TMX1: variants seen among roughly 807,000 people sequenced by gnomAD.
The protein encoded by TMX1 is thioredoxin related transmembrane protein 1.
In TMX1, 25 loss-of-function variants were observed where a neutral mutation model predicts 36.6. That is an observed-to-expected ratio of 0.68 (90% confidence interval 0.50 to 0.95). TMX1 has a LOEUF of 0.95. TMX1 is among the 40% of genes least tolerant of loss of function. The pLI, the probability that TMX1 is intolerant of heterozygous loss-of-function variation, is 0.00. For synonymous variants in TMX1, 133 were observed against 118.0 expected (o/e 1.13, Z -0.82); for missense variants, 347 against 339.6 (o/e 1.02, Z -0.17).
At chr14:51,252,680 CAT>C (rs2065819944) in intron 7 of TMX1, among the ~76,000 whole-genome samples, 1 of 152,162 alleles carries the variant, frequency 6.6e-6, no homozygotes, top group Non-Finnish European at 1.5e-5. Context: ...TAATGGAACA[CAT>C]GATTTGAATT....
At position 51,254,344 on chromosome 14, in the gene TMX1, AATT is replaced by A. The variant is rs2065828570; in HGVS notation, c.674_676del (p.Leu225del). ...ATTTTTGGTCTTTGTCTTTAAGAAA[AATT>A]ATTATCAGAATCTGCACAACCTTTG... On this transcript the variant is annotated inframe_deletion, in exon 8 of 8. Coordinates refer to ENST00000457354, the MANE Select transcript of TMX1 (RefSeq NM_030755.5). 4 of 1,580,932 alleles carry A rather than the reference AATT, an allele frequency of 2.5e-6. No individual in the cohort carries two copies. The highest frequency in any genetic ancestry group is 2.6e-6 in the Non-Finnish European group (3 of 1,170,098).
At chr14:51,240,720 TC>T (rs1035399808) in intron 1 of TMX1, among the ~76,000 whole-genome samples, 133 of 152,340 alleles carry the variant, frequency 8.7e-4, no homozygotes, top group African/African-American at 3.0e-3. Flanking sequence ...CAATGCGAAT[TC>T]TGACATTTTT....
chr14:51,247,302 C>A, intron 4 of TMX1, 82 bp downstream of exon 4: 3 of 1,394,068 alleles, frequency 2.2e-6, no homozygotes, highest in Non-Finnish European at 1.9e-6. Context: ...CATTCATACT[C>A]AGTTTGTTTC....
Position 51,240,323 on chromosome 14 carries a change from C to G in TMX1, c.31C>G (p.Leu11Val), listed in dbSNP as rs761968295. The G allele has an allele frequency of 1.9e-6, 3 of 1,613,256 alleles. No homozygotes were observed. Among genetic ancestry groups the G allele is most frequent in the African/African-American group, 2.7e-5 (2 of 74,950 alleles). The change falls in exon 1 of 8, where the codon CTG becomes GTG. Residue 11 changes from leucine (L) to valine (V), a missense_variant. Leu to Val is a conservative substitution (Grantham distance 32). Transcript: ENST00000457354. Reference protein sequence around the residue: MAPSGSLAVPLAVLVLLLWGA... With the variant: MAPSGSLAVPVAVLVLLLWGA... ...GCCCTCCGGGAGTCTTGCAGTTCCC[C>G]TGGCAGTCCTGGTGCTGTTGCTTTG...
At position 51,249,521 on chromosome 14, in the gene TMX1, T is replaced by C. The variant is rs747280586; in HGVS notation, c.543T>C (p.Tyr181=). 39 of 1,613,972 alleles carry C rather than the reference T, an allele frequency of 2.4e-5. No individual in the cohort carries two copies. The highest frequency in any genetic ancestry group is 3.1e-5 in the Non-Finnish European group (37 of 1,179,920). ...TTGGATTGCCAGTGTGGGGATCATA[T>C]ACTGTTTTTGCTTTAGCAACTCTGT... The part of the protein sequence containing the change: ...EDLGLPVWGS[Y]TVFALATLFS... Residue 181 remains tyrosine (Y), a synonymous_variant, in exon 6 of 8, where the codon TAT becomes TAC. Coordinates refer to ENST00000457354, the MANE Select transcript of TMX1 (RefSeq NM_030755.5).
In TMX1 at chr14:51,254,416, CAGA is replaced by C. The variant is rs766377296; in HGVS notation, c.749_751del (p.Glu250del). The C allele has an allele frequency of 1.2e-3, 1,860 of 1,612,396 alleles. 1 individual carries two copies. Among genetic ancestry groups the C allele is most frequent in the Non-Finnish European group, 1.5e-3 (1,740 of 1,179,212 alleles). ...CAAGAGGCGGATGAAGAAGATGTTT[CAGA>C]AGAAGAAGCTGAAAGTAAAGAAGGA... On this transcript the variant is annotated inframe_deletion, in exon 8 of 8. Transcript: ENST00000457354.
chr14:51,253,285 C>G (rs1038337094), intron 7 of TMX1, among the ~76,000 whole-genome samples: 1 of 152,198 alleles, frequency 6.6e-6, no homozygotes, highest in African/African-American at 2.4e-5. Flanking sequence ...TATCTCTAGA[C>G]ATTGTTAAGT....
intron 3 of TMX1, chr14:51,245,629 C>A: frequency 3.3e-6 from 2 of 610,074 alleles, no homozygotes; most frequent in Non-Finnish European, 5.3e-6. Flanking sequence ...CGTGTTAAGT[C>A]ATTATGCATC....
chr14:51,250,801 T>C (rs2065808419), intron 7 of TMX1, among the ~76,000 whole-genome samples: 3 of 152,166 alleles, frequency 2.0e-5, no homozygotes. Context: ...ATGATGTCTT[T>C]CTTAACTTAG....
In TMX1 at chr14:51,244,499, G is replaced by A. The variant is rs1252459623; in HGVS notation, c.268+528G>A. ...TAGTACCTATGATTTGAGGATGTGG[G>A]CTTCTAAATATAAAGCCCTCGTGGT... On this transcript the variant is annotated intron_variant, in intron 2 of 7. Transcript: ENST00000457354. Among the ~76,000 whole-genome samples, 3 of 152,130 alleles carry A rather than the reference G, an allele frequency of 2.0e-5. No individual in the cohort carries two copies. The East Asian group carries it at 5.8e-4, about 29-fold the overall frequency.
At position 51,257,607 on chromosome 14, in the gene TMX1, A is replaced by G. The variant is rs1422479092; in HGVS notation, c.*3088A>G. On this transcript the variant is annotated 3_prime_UTR_variant, in exon 8 of 8. Transcript: ENST00000457354. ...CAACTTTTGTATTTGTGAAACCATT[A>G]AAACTAGAGTAACAATAAATTTAAG... 6.6e-6 allele frequency: 1 copy of G among 152,222 alleles called. No individual in the cohort carries two copies. Among genetic ancestry groups the G allele is most frequent in the African/African-American group, 2.4e-5 (1 of 41,454 alleles). 9.4% of individuals were successfully genotyped at this position (152,222 alleles called of 1,614,324 possible). A position where few individuals can be genotyped will look rare whatever the true frequency, so the allele number is the denominator to read the frequency against.
intron 3 of TMX1, 83 bp downstream of exon 3, chr14:51,245,441 C>G (rs771423144): frequency 1.9e-6 from 3 of 1,581,770 alleles, no homozygotes; most frequent in Non-Finnish European, 2.6e-6. Flanking sequence ...TTGGATCATG[C>G]TGGAAGAGCT....
chr14:51,247,338 T>C, intron 4 of TMX1, 118 bp downstream of exon 4: 1 of 999,150 alleles, frequency 1.0e-6, no homozygotes, highest in East Asian at 3.2e-5. Flanking sequence ...ATATCCACAT[T>C]TATTACATGT....
In TMX1 at chr14:51,254,441, A is replaced by G; in HGVS notation, c.765A>G (p.Glu255=). The G allele has an allele frequency of 6.2e-7, 1 of 1,612,608 alleles. No individual in the cohort carries two copies. Among genetic ancestry groups the G allele is most frequent in the Non-Finnish European group, 8.5e-7 (1 of 1,179,368 alleles). ...CAGAAGAAGAAGCTGAAAGTAAAGA[A>G]GGAACAAACAAAGACTTTCCACAGA... ...DVSEEEAESK[E]GTNKDFPQNA... is the part of the protein sequence containing the mutation. Residue 255 remains glutamate, a synonymous_variant, in exon 8 of 8, where the codon GAA becomes GAG. Coordinates refer to ENST00000457354, the MANE Select transcript of TMX1 (RefSeq NM_030755.5).
At chr14:51,253,764 A>C (rs1440209925) in intron 7 of TMX1, among the ~76,000 whole-genome samples, 1 of 152,218 alleles carries the variant, frequency 6.6e-6, no homozygotes, top group African/African-American at 2.4e-5. Context: ...GGGATGAGTA[A>C]GGGGAAGCAC....
At chr14:51,246,484 A>G (rs1303880335) in intron 3 of TMX1, among the ~76,000 whole-genome samples, 1 of 152,124 alleles carries the variant, frequency 6.6e-6, no homozygotes, top group Non-Finnish European at 1.5e-5. Context: ...TTTTGCACTT[A>G]AAGATGTTGG....
chr14:51,240,685 TGTG>T (rs2065756675), intron 1 of TMX1, among the ~76,000 whole-genome samples: 1 of 152,174 alleles, frequency 6.6e-6, no homozygotes, highest in African/African-American at 2.4e-5. Context: ...TTTCTTGGGT[TGTG>T]GTGCGCCCAA....
chr14:51,243,863 C>T lies in TMX1; in HGVS notation c.160C>T (p.Pro54Ser). ...EGDWMIEFYA[P>S]WCPACQNLQP... ...AAAATCTGTATTTCTTAGTTATGCC[C>T]CGTGGTGCCCTGCTTGTCAAAATCT... is the stretch of plus-strand genomic sequence containing the variant. The change falls in exon 2 of 8, where the codon CCG becomes TCG. Residue 54 changes from proline (P) to serine (S), a missense_variant. Coordinates refer to ENST00000457354, the MANE Select transcript of TMX1 (RefSeq NM_030755.5). The T allele has an allele frequency of 1.2e-6, 2 of 1,605,206 alleles. No individual in the cohort carries two copies. The highest frequency in any genetic ancestry group is 1.1e-5 in the South Asian group (1 of 88,716).
In TMX1 at chr14:51,240,460, C is replaced by A. The variant is rs370819890; in HGVS notation, c.152+16C>A. ...TGATAGAATTGTGAGTGCGGGGCGG[C>A]CAGGGTCCTACGTCCGTGCCTGGAC... On this transcript the variant is annotated intron_variant, in intron 1 of 7. Coordinates refer to ENST00000457354, the MANE Select transcript of TMX1 (RefSeq NM_030755.5). 6 of 1,611,906 alleles carry A rather than the reference C, an allele frequency of 3.7e-6. No individual in the cohort carries two copies. In the African/African-American group the frequency reaches 8.0e-5, roughly 22 times the overall value.
Sources: gnomAD v4.1 joint callset for allele counts (sites outside exome capture counted in the v4.1 genomes callset) on GRCh38, gnomAD v4.1.1 for gene constraint, MANE v1.5 for transcripts, NCBI Gene and HGNC (gene_info 2026-07-23, HGNC 2026-07-21) for gene names.